The following AMN1 variants were observed in gnomAD, a reference collection of about 807,000 sequenced individuals.
AMN1 encodes the protein antagonist of mitotic exit network 1 homolog.
AMN1 carries 20 observed loss-of-function variants against 33.0 expected under a neutral mutation model. The observed-to-expected ratio is 0.61, with a 90% CI of 0.43 to 0.88. The LOEUF is 0.88. Ranked by LOEUF, AMN1 falls within the 40% of genes least tolerant of loss-of-function variation. AMN1 has a pLI of 0.00. For synonymous variants in AMN1, 114 were observed against 111.9 expected (o/e 1.02, Z -0.12); for missense variants, 246 against 307.4 (o/e 0.80, Z 1.49).
chr12:31,687,836 A>G lies in AMN1; in HGVS notation c.703+1171T>C, dbSNP rs1463246172. 1.3e-5 allele frequency among the ~76,000 whole-genome samples: 2 copies of G among 152,182 alleles called. No individual in the cohort carries two copies. The highest frequency in any genetic ancestry group is 4.8e-5 in the African/African-American group (2 of 41,448). ...TATAGGGGTAATATGAAAGGGTGCCATGGTTTCTAGGGTAGGAGGATATAT... is the reference window on the plus strand; with the variant it reads ...TATAGGGGTAATATGAAAGGGTGCCGTGGTTTCTAGGGTAGGAGGATATAT... On this transcript the variant is annotated intron_variant, in intron 6 of 6. Transcript: ENST00000281471. This position sits in a 1 kb window ranked among gnomAD's most constrained non-coding sequence, Gnocchi z 4.1.
chr12:31,695,487 C>CTTTCT (rs59342673), intron 5 of AMN1, among the ~76,000 whole-genome samples: 31,534 of 130,126 alleles, frequency 0.24, 4,978 homozygotes, highest in East Asian at 0.66. Context: ...TTCTTTCTTT[C>CTTTCT]TTTTTTTTTT....
chr12:31,705,343 C>A, intron 2 of AMN1, among the ~76,000 whole-genome samples: 1 of 151,910 alleles, frequency 6.6e-6, no homozygotes, highest in Admixed American at 6.6e-5. Context: ...AAAAAAAATA[C>A]AAAAATTAGC....
chr12:31,705,163 A>T (rs1939171409), intron 2 of AMN1, among the ~76,000 whole-genome samples: 1 of 152,210 alleles, frequency 6.6e-6, no homozygotes. Context: ...AAAACAGGTT[A>T]AAGTGCAATT....
intron 6 of AMN1, among the ~76,000 whole-genome samples, chr12:31,682,517 TG>T (rs925811157): frequency 4.8e-4 from 11 of 23,022 alleles, no homozygotes; most frequent in Non-Finnish European, 5.7e-4. Context: ...GCGGGGCGGG[TG>T]GGGGGGTGTC....
chr12:31,718,539 T>G (rs560585987), intron 1 of AMN1, among the ~76,000 whole-genome samples: 4 of 152,314 alleles, frequency 2.6e-5, no homozygotes, highest in African/African-American at 9.6e-5. Context: ...TCTCCCCATC[T>G]TTGTGGTTTT....
At chr12:31,713,590 C>A (rs1939554216) in intron 1 of AMN1, among the ~76,000 whole-genome samples, 1 of 152,142 alleles carries the variant, frequency 6.6e-6, no homozygotes, top group Non-Finnish European at 1.5e-5. Flanking sequence ...TCTATAATCC[C>A]AGCACTTTGG....
At chr12:31,708,041 C>T (rs1939316194) in intron 2 of AMN1, among the ~76,000 whole-genome samples, 1 of 152,164 alleles carries the variant, frequency 6.6e-6, no homozygotes, top group Non-Finnish European at 1.5e-5. Context: ...GATTGTAAAA[C>T]ATGTGTTTGA....
At chr12:31,695,471 A>ATTTC (rs1555187136) in intron 5 of AMN1, among the ~76,000 whole-genome samples, 37,393 of 130,578 alleles carry the variant, frequency 0.29, 6,308 homozygotes, top group African/African-American at 0.37. Context: ...AAATATAGTA[A>ATTTC]TTTCTTTCTT....
intron 1 of AMN1, among the ~76,000 whole-genome samples, chr12:31,719,005 G>A (rs1017260537): frequency 3.9e-5 from 6 of 152,270 alleles, no homozygotes; most frequent in Admixed American, 2.6e-4. Context: ...GCCAGGCACA[G>A]GAGGCAGTCT....
At chr12:31,672,415 T>C (rs1346654842) in intron 6 of AMN1, 38 bp from the exon 7 acceptor site, 1 of 1,407,500 alleles carries the variant, frequency 7.1e-7, no homozygotes, top group Admixed American at 2.0e-5. Context: ...TAATTGACAA[T>C]AAAAAATGTT....
intron 3 of AMN1, among the ~76,000 whole-genome samples, chr12:31,701,266 T>A (rs1450107979): frequency 6.6e-6 from 1 of 152,108 alleles, no homozygotes; most frequent in East Asian, 1.9e-4. Context: ...CCCAGAGTGC[T>A]GGGATTACAG....
intron 2 of AMN1, among the ~76,000 whole-genome samples, chr12:31,706,039 G>A (rs150973989): frequency 0.011 from 1,721 of 152,138 alleles, 30 homozygotes; most frequent in African/African-American, 0.038. Context: ...TTGGCCGGGC[G>A]CGGTGGCTCA....
intron 6 of AMN1, among the ~76,000 whole-genome samples, chr12:31,684,185 G>C (rs1457713908): frequency 6.6e-6 from 1 of 152,108 alleles, no homozygotes; most frequent in Non-Finnish European, 1.5e-5. Flanking sequence ...TAACACAAAT[G>C]TATGAAAAGT....
intron 6 of AMN1, among the ~76,000 whole-genome samples, chr12:31,677,210 GA>G (rs1476445415): frequency 6.6e-6 from 1 of 152,210 alleles, no homozygotes; most frequent in Admixed American, 6.5e-5. Flanking sequence ...TGAGGCAGGA[GA>G]ATGGCGTGAA....
At chr12:31,703,056 TTC>T (rs1172640915) in intron 2 of AMN1, among the ~76,000 whole-genome samples, 8 of 151,448 alleles carry the variant, frequency 5.3e-5, no homozygotes, top group South Asian at 2.1e-4. Flanking sequence ...TTATTTAATA[TTC>T]TCTCTCTCTC....
At chr12:31,678,192 C>T (rs1403806483) in intron 6 of AMN1, among the ~76,000 whole-genome samples, 2 of 152,120 alleles carry the variant, frequency 1.3e-5, no homozygotes, top group Admixed American at 1.3e-4. Context: ...CTCTTATTAA[C>T]CTCCCTTTTC....
chr12:31,710,860 T>A (rs1386291248), intron 1 of AMN1, among the ~76,000 whole-genome samples: 1 of 152,186 alleles, frequency 6.6e-6, no homozygotes, highest in African/African-American at 2.4e-5. Flanking sequence ...CTATTAGTAG[T>A]GTCAGAAAGC....
chr12:31,689,032 G>C lies in AMN1; in HGVS notation c.678C>G (p.Leu226=). 1 of 1,612,862 alleles carries C rather than the reference G, an allele frequency of 6.2e-7. No individual in the cohort carries two copies. Among genetic ancestry groups the C allele is most frequent in the Non-Finnish European group, 8.5e-7 (1 of 1,179,280 alleles). ...CTGTTATCAAGGGGCATCCATGGAA[G>C]AGTAATATACGTATTTGAGGACAGT... The part of the protein sequence containing the change: ...LTYCPQIRIL[L]FHGCPLITDH... The change falls in exon 6 of 7, where the codon CTC becomes CTG. Residue 226 remains leucine (L), a synonymous_variant. Coordinates refer to ENST00000281471, the MANE Select transcript of AMN1 (RefSeq NM_001113402.2).
Position 31,725,341 on chromosome 12 carries a change from C to T in AMN1, c.38+3630G>A, listed in dbSNP as rs1021166. Among the ~76,000 whole-genome samples, 922 of 152,262 alleles carry T rather than the reference C, an allele frequency of 6.1e-3. 12 individuals carry two copies. Among genetic ancestry groups the T allele is most frequent in the African/African-American group, 0.021 (877 of 41,556 alleles). ...AGTTGGCACAGGCAGTCTCATTTCT[C>T]AAGACAAAATGAAAAGAAGTCAGCT... On this transcript the variant is annotated intron_variant, in intron 1 of 6. Coordinates refer to ENST00000281471, the MANE Select transcript of AMN1 (RefSeq NM_001113402.2).
Sources: gnomAD v4.1 joint callset for allele counts (sites outside exome capture counted in the v4.1 genomes callset) on GRCh38, gnomAD v4.1.1 for gene constraint, Gnocchi (gnomAD v3.1) non-coding constraint, MANE v1.5 for transcripts, NCBI Gene and HGNC (gene_info 2026-07-23, HGNC 2026-07-21) for gene names.